C6: variants seen among roughly 807,000 people sequenced by gnomAD.
C6 encodes the protein complement C6, also known as complement component C6.
C6 carries 101 observed loss-of-function variants against 112.9 expected under a neutral mutation model. The ratio of observed to expected loss-of-function variants is 0.89; its 90% CI spans 0.76 to 1.06. The LOEUF (loss-of-function observed/expected upper bound fraction) is 1.06. Ranked by LOEUF, C6 falls within the 50% of genes least tolerant of loss-of-function variation. The pLI is 0.00. For synonymous variants in C6, 431 were observed against 384.1 expected, an observed-to-expected ratio of 1.12 and a Z score of -1.43; for missense variants, 1,202 against 1,104.6, an observed-to-expected ratio of 1.09 and a Z score of -1.25.
chr5:41,154,568 C>A (rs1746717519), intron 14 of C6, among the ~76,000 whole-genome samples: 1 of 152,218 alleles, frequency 6.6e-6, no homozygotes, highest in Non-Finnish European at 1.5e-5. Context: ...ACGTCTTACA[C>A]AAAATCCCAT....
At chr5:41,225,041 G>A (rs1739402481) in intron 1 of C6, among the ~76,000 whole-genome samples, 2 of 152,150 alleles carry the variant, frequency 1.3e-5, no homozygotes, top group South Asian at 4.1e-4. Context: ...GTCTTCCTTT[G>A]AGAAATGTCT....
At chr5:41,236,523 A>G (rs983485531) in intron 1 of C6, among the ~76,000 whole-genome samples, 7 of 130,812 alleles carry the variant, frequency 5.4e-5, no homozygotes, top group Non-Finnish European at 8.2e-5. Flanking sequence ...GTTCTTTGAA[A>G]CCAACGAGAA....
chr5:41,208,280 A>C (rs1235020785), intron 1 of C6, among the ~76,000 whole-genome samples: 1 of 152,224 alleles, frequency 6.6e-6, no homozygotes, highest in Non-Finnish European at 1.5e-5. Flanking sequence ...AAAGATCCAA[A>C]ATTGACACCC....
chr5:41,181,288 T>G, intron 7 of C6, 71 bp downstream of exon 7: 1 of 1,371,464 alleles, frequency 7.3e-7, no homozygotes, highest in Non-Finnish European at 1.0e-6. Flanking sequence ...TCTCCCCTTC[T>G]TATTGCATGA....
chr5:41,201,644 C>G lies in C6; in HGVS notation c.214G>C (p.Glu72Gln), dbSNP rs909341673. ...EQICSKQETR[E>Q]CNWQRCPINC... ...ATGGGGCATCTTTGCCAGTTACATT[C>G]TCTAGTCTCCTGCTTGCTGCAAATC... The change falls in exon 3 of 18, where the codon GAA becomes CAA. Residue 72 changes from glutamate to glutamine, a missense_variant. By Grantham distance (29) the Glu-to-Gln change is conservative (BLOSUM62 2). Transcript: ENST00000337836. 1.9e-6 allele frequency: 3 copies of G among 1,613,658 alleles called. No individual in the cohort carries two copies. The highest frequency in any genetic ancestry group is 1.1e-5 in the South Asian group (1 of 91,076).
chr5:41,193,090 T>C (rs1294357845), intron 5 of C6, among the ~76,000 whole-genome samples: 6 of 152,182 alleles, frequency 3.9e-5, no homozygotes, highest in African/African-American at 1.4e-4. Context: ...CTGTGGGTTG[T>C]CTAAGATGCA....
intron 1 of C6, among the ~76,000 whole-genome samples, chr5:41,223,352 C>G (rs981916309): frequency 1.3e-5 from 2 of 152,184 alleles, no homozygotes; most frequent in African/African-American, 4.8e-5. Flanking sequence ...GCTCTTCTCT[C>G]TGGAGTAATT....
intron 6 of C6, 134 bp from the exon 7 acceptor site, chr5:41,181,693 C>A (rs1414259178): frequency 3.9e-6 from 3 of 766,674 alleles, no homozygotes; most frequent in African/African-American, 3.5e-5. Flanking sequence ...TGCTAGAGAA[C>A]AAAGAATAGT....
chr5:41,241,967 G>A (rs1377402984), intron 1 of C6, among the ~76,000 whole-genome samples: 1 of 152,040 alleles, frequency 6.6e-6, no homozygotes, highest in East Asian at 1.9e-4. Context: ...AAAACCTATA[G>A]CAAGACAAAA....
At chr5:41,232,441 T>A (rs1346104950) in intron 1 of C6, among the ~76,000 whole-genome samples, 1 of 152,146 alleles carries the variant, frequency 6.6e-6, no homozygotes, top group Non-Finnish European at 1.5e-5. Flanking sequence ...CTTTCTCTGG[T>A]TTCTTGATCA....
At chr5:41,217,571 T>C (rs181066722), upstream of C6, among the ~76,000 whole-genome samples, 564 of 152,264 alleles carry the variant, frequency 3.7e-3, 4 homozygotes, top group African/African-American at 0.013. Flanking sequence ...ATTGCTTTTA[T>C]TTATGTGTTT....
At chr5:41,213,317 A>G (rs1752059321) in intron 1 of C6, 59 bp downstream of exon 1, 2 of 751,218 alleles carry the variant, frequency 2.7e-6, no homozygotes, top group South Asian at 6.0e-5. Flanking sequence ...ATTTTGTTGG[A>G]AACATGATTA....
At chr5:41,158,874 CA>C in intron 12 of C6, 89 bp from the exon 13 acceptor site, 3 of 970,082 alleles carry the variant, frequency 3.1e-6, no homozygotes, top group Middle Eastern at 2.1e-4. Context: ...CATGTGTACA[CA>C]TTGCATACAT....
chr5:41,188,938 C>G (rs529756094), intron 5 of C6, among the ~76,000 whole-genome samples: 24 of 152,030 alleles, frequency 1.6e-4, no homozygotes, highest in South Asian at 1.5e-3. Flanking sequence ...AACCAAATTA[C>G]TCAATTAAAC....
chr5:41,205,341 A>T (rs572359706), intron 1 of C6, among the ~76,000 whole-genome samples: 103 of 152,270 alleles, frequency 6.8e-4, no homozygotes, highest in Non-Finnish European at 1.4e-3. Flanking sequence ...TGCATTTCCA[A>T]CTGAGGTACT....
intron 1 of C6, among the ~76,000 whole-genome samples, chr5:41,229,910 G>A (rs142748937): frequency 1.2e-3 from 177 of 152,182 alleles, no homozygotes; most frequent in Middle Eastern, 3.4e-3. Context: ...AGCTGGAGCC[G>A]AGGCAGAAGA....
At chr5:41,254,427 A>T (rs927408297) in intron 1 of C6, among the ~76,000 whole-genome samples, 1 of 152,128 alleles carries the variant, frequency 6.6e-6, no homozygotes. Context: ...GAGAAAGAAT[A>T]GTTTTATAAT....
chr5:41,202,762 A>C (rs1484516309), intron 2 of C6, among the ~76,000 whole-genome samples: 1 of 152,206 alleles, frequency 6.6e-6, no homozygotes, highest in Non-Finnish European at 1.5e-5. Flanking sequence ...AATTCTCTAT[A>C]ATTAACTCAC....
chr5:41,186,788 CTT>C lies in C6; in HGVS notation c.588-582_588-581del, dbSNP rs1159398621. On this transcript the variant is annotated intron_variant, in intron 5 of 17. Coordinates refer to ENST00000337836, the MANE Select transcript of C6 (RefSeq NM_000065.5). ...TGGTTAAGTACTTTACTAATAATAA[CTT>C]ATATTTATTACAACCATATGATGTA... Among the ~76,000 whole-genome samples the C allele has an allele frequency of 9.2e-5, 14 of 152,010 alleles. 1 individual carries two copies. Among genetic ancestry groups the C allele is most frequent in the South Asian group, 2.1e-4 (1 of 4,824 alleles).
Sources: allele counts gnomAD v4.1 joint callset (sites outside exome capture counted in the v4.1 genomes callset), GRCh38; gene constraint gnomAD v4.1.1; transcripts MANE v1.5; gene names NCBI Gene and HGNC (gene_info 2026-07-23, HGNC 2026-07-21).